The following CLCN7 variants were observed in gnomAD, a reference collection of about 807,000 sequenced individuals.
CLCN7 encodes the protein H(+)/Cl(-) exchange transporter 7.
CLCN7 carries 60 observed loss-of-function variants against 102.1 expected under a neutral mutation model. That is an observed-to-expected ratio of 0.59 (90% CI 0.48 to 0.73). The LOEUF is 0.73. CLCN7 is among the 30% of genes least tolerant of loss of function. The pLI is 0.00. For synonymous variants in CLCN7, 560 were observed against 490.5 expected (o/e 1.14, Z -1.87); for missense variants, 962 against 1,125.7 (o/e 0.85, Z 2.08).
chr16:1,461,768 G>C (rs556505474), intron 2 of CLCN7, 94 bp from the exon 3 acceptor site: 4 of 1,014,708 alleles, frequency 3.9e-6, no homozygotes, highest in Admixed American at 2.0e-5. Context: ...TTATCATCCC[G>C]ACACCAAGGA....
rs377091926 is a variant in CLCN7 at position 1,457,377 on chromosome 16, C to T, written c.739-40G>A. 46 of 1,544,078 alleles carry T rather than the reference C, an allele frequency of 3.0e-5. No homozygotes were observed. Among genetic ancestry groups the T allele is most frequent in the Middle Eastern group, 1.7e-4 (1 of 5,916 alleles). Reference sequence around the variant, plus strand: ...GACCGGTGCTCAGAGACACGCGTGACGCGGCCCTTCCTGGAGACCAGAAGG... The same window carrying T: ...GACCGGTGCTCAGAGACACGCGTGATGCGGCCCTTCCTGGAGACCAGAAGG... On this transcript the variant is annotated intron_variant, in intron 8 of 24. Coordinates refer to ENST00000382745, the MANE Select transcript of CLCN7 (RefSeq NM_001287.6). This position sits in a 1 kb window ranked among gnomAD's most constrained non-coding sequence, Gnocchi z 5.4.
intron 1 of CLCN7, among the ~76,000 whole-genome samples, chr16:1,470,073 T>C (rs897137681): frequency 4.6e-5 from 7 of 152,170 alleles, no homozygotes; most frequent in Non-Finnish European, 1.0e-4. Context: ...GTTGAATGGG[T>C]GCAGTTTCAG....
At position 1,452,804 on chromosome 16, in the gene CLCN7, G is replaced by A. The variant is rs1382966039; in HGVS notation, c.1304C>T (p.Ser435Leu). 6.2e-7 allele frequency: 1 copy of A among 1,605,950 alleles called. No individual in the cohort carries two copies. The highest frequency in any genetic ancestry group is 8.5e-7 in the Non-Finnish European group (1 of 1,176,868). ...CCCCTGCAGGGGCTGGCAATCCCGC[G>A]ACGAGTAGATCAGCACGAAGGCAAC... ...ATVAFVLIYS[S>L]RDCQPLQGGS... Residue 435 changes from serine to leucine, a missense_variant, in exon 15 of 25, where the codon TCG becomes TTG. By Grantham distance (145) the Ser-to-Leu change is moderately radical (BLOSUM62 -2). This residue lies in a region of CLCN7 where 799 missense variants were observed against 988.0 expected (regional missense o/e 0.81). Coordinates refer to ENST00000382745, the MANE Select transcript of CLCN7 (RefSeq NM_001287.6).
chr16:1,455,119 G>C lies in CLCN7; in HGVS notation c.1098+15C>G, dbSNP rs760916017. 3 of 1,452,000 alleles carry C rather than the reference G, an allele frequency of 2.1e-6. No homozygotes were observed. Among genetic ancestry groups the C allele is most frequent in the Non-Finnish European group, 2.9e-6 (3 of 1,031,972 alleles). The allele number at this position is 1,452,000 out of a possible 1,614,324, so 89.9% of individuals were successfully genotyped here. ...AGGATACGAGGTGGGCGAGGTGGGC[G>C]ATGGGGCAGGTTACCTCCGAGTCAA... On this transcript the variant is annotated intron_variant, in intron 12 of 24. Coordinates refer to ENST00000382745, the MANE Select transcript of CLCN7 (RefSeq NM_001287.6).
At chr16:1,461,073 G>A (rs940133421) in intron 4 of CLCN7, 125 bp from the exon 5 acceptor site, 1 of 1,276,332 alleles carries the variant, frequency 7.8e-7, no homozygotes, top group Non-Finnish European at 1.1e-6. Context: ...ACGGTGCGCT[G>A]AGTCCCACAA....
chr16:1,452,663 G>C, intron 15 of CLCN7, 92 bp downstream of exon 15: 1 of 1,379,056 alleles, frequency 7.3e-7, no homozygotes, highest in Admixed American at 2.1e-5. Context: ...CGGCGGGGTG[G>C]GCAGCCCTCC....
Position 1,448,954 on chromosome 16 carries a change from G to A in CLCN7, c.1797+12C>T, listed in dbSNP as rs2038698820. On this transcript the variant is annotated intron_variant, in intron 19 of 24. Coordinates refer to ENST00000382745, the MANE Select transcript of CLCN7 (RefSeq NM_001287.6). ...CACGCTCTCAGGGTGAGGCTTCGAGGCCCTGGCGCACCTCAATGAAGACGT... is the reference window on the plus strand; with the variant it reads ...CACGCTCTCAGGGTGAGGCTTCGAGACCCTGGCGCACCTCAATGAAGACGT... 4 of 1,612,118 alleles carry A rather than the reference G, an allele frequency of 2.5e-6. No individual in the cohort carries two copies. The highest frequency in any genetic ancestry group is 2.5e-6 in the Non-Finnish European group (3 of 1,179,972).
chr16:1,471,488 C>T (rs1192594964), intron 1 of CLCN7: 1 of 152,160 alleles, frequency 6.6e-6, no homozygotes, highest in Admixed American at 6.5e-5. Context: ...GCTGTGCCCA[C>T]CAGTCAGAGC....
rs1466401185 is a variant in CLCN7 at position 1,448,957 on chromosome 16, C to G, written c.1797+9G>C. ...GCTCTCAGGGTGAGGCTTCGAGGCC[C>G]TGGCGCACCTCAATGAAGACGTCGC... On this transcript the variant is annotated intron_variant, in intron 19 of 24. Transcript: ENST00000382745. 3 of 1,612,188 alleles carry G rather than the reference C, an allele frequency of 1.9e-6. No homozygotes were observed. Among genetic ancestry groups the G allele is most frequent in the Non-Finnish European group, 2.5e-6 (3 of 1,179,998 alleles).
At chr16:1,452,145 G>C (rs1186139591) in intron 15 of CLCN7, 1 of 300,240 alleles carries the variant, frequency 3.3e-6, no homozygotes, top group Non-Finnish European at 6.6e-6. Context: ...GGCTGGAGCA[G>C]AGTGTAGCAA....
intron 10 of CLCN7, 24 bp from the exon 11 acceptor site, chr16:1,455,819 G>A: frequency 6.2e-7 from 1 of 1,611,526 alleles, no homozygotes; most frequent in East Asian, 2.2e-5. Context: ...GGCCGGCTCG[G>A]GTGCCAGCTG....
At chr16:1,468,268 G>A (rs547291137) in intron 1 of CLCN7, among the ~76,000 whole-genome samples, 3 of 152,258 alleles carry the variant, frequency 2.0e-5, no homozygotes, top group South Asian at 4.1e-4. Flanking sequence ...TGTGACCAGC[G>A]GGCCACCCCC....
intron 1 of CLCN7, among the ~76,000 whole-genome samples, chr16:1,473,086 AACACAC>A (rs36084043): frequency 2.0e-5 from 3 of 150,052 alleles, no homozygotes; most frequent in South Asian, 4.2e-4. Context: ...TTAAAACAGA[AACACAC>A]ACACACACAC....
intron 2 of CLCN7, 129 bp downstream of exon 2, chr16:1,465,138 G>A (rs1227422999): frequency 1.2e-6 from 1 of 805,034 alleles, no homozygotes; most frequent in African/African-American, 1.7e-5. Flanking sequence ...GTCCCCCCAA[G>A]GAAATCTTCC....
chr16:1,464,964 C>A, intron 2 of CLCN7, among the ~76,000 whole-genome samples: 1 of 128,080 alleles, frequency 7.8e-6, no homozygotes, highest in South Asian at 2.6e-4. Flanking sequence ...GGGCTCCTCA[C>A]TGCCCCCCCA....
intron 2 of CLCN7, among the ~76,000 whole-genome samples, chr16:1,462,683 A>AAAAAAAAAAAAAAAAAAAAAAAAAAC (rs1471363912): frequency 1.3e-5 from 2 of 150,960 alleles, no homozygotes; most frequent in African/African-American, 4.9e-5. Context: ...AAAAAAAAAA[A>AAAAAAAAAAAAAAAAAAAAAAAAAAC]AAAACCAGGC....
intron 4 of CLCN7, 36 bp from the exon 5 acceptor site, chr16:1,460,984 C>A (rs1179993070): frequency 2.5e-6 from 4 of 1,607,158 alleles, no homozygotes; most frequent in South Asian, 1.1e-5. Flanking sequence ...TCAGGCAGGG[C>A]CCTGGCGCAG....
chr16:1,451,178 C>CGT, intron 16 of CLCN7, among the ~76,000 whole-genome samples: 1 of 152,208 alleles, frequency 6.6e-6, no homozygotes, highest in East Asian at 1.9e-4. Flanking sequence ...GAGGCCAGGC[C>CGT]GTGGTCTTGG....
intron 1 of CLCN7, among the ~76,000 whole-genome samples, chr16:1,473,866 C>T (rs1002249371): frequency 1.3e-5 from 2 of 151,896 alleles, no homozygotes; most frequent in Admixed American, 6.6e-5. Flanking sequence ...CGGGGGATCA[C>T]GTGAGGTCGG....
Sources: gnomAD v4.1 joint callset for allele counts (sites outside exome capture counted in the v4.1 genomes callset) on GRCh38, gnomAD v4.1.1 for gene constraint, gnomAD v4.1.1 regional missense constraint, Gnocchi (gnomAD v3.1) non-coding constraint, MANE v1.5 for transcripts, NCBI Gene and HGNC (gene_info 2026-07-23, HGNC 2026-07-21) for gene names.